The following PRR16 variants were observed in gnomAD, a reference collection of about 807,000 sequenced individuals.
PRR16 encodes proline rich 16.
PRR16 carries 6 observed loss-of-function variants against 18.2 expected under a neutral mutation model. The ratio of observed to expected loss-of-function variants is 0.33; its 90% CI spans 0.18 to 0.65. PRR16 has a LOEUF of 0.65. Ranked by LOEUF, PRR16 falls within the 30% of genes least tolerant of loss-of-function variation. PRR16 has a pLI of 0.74. For synonymous variants in PRR16, 151 were observed against 147.8 expected, an observed-to-expected ratio of 1.02 and a Z score of -0.16; for missense variants, 412 against 376.6, an observed-to-expected ratio of 1.09 and a Z score of -0.78.
At chr5:120,702,404 AAGG>A in the PRR16 span, among the ~76,000 whole-genome samples, 1 of 151,768 alleles carries the variant, frequency 6.6e-6, no homozygotes, top group African/African-American at 2.4e-5. Context: ...GCTAAGAGTG[AAGG>A]AGAAGGGGTT....
chr5:120,751,646 T>G, the PRR16 span, among the ~76,000 whole-genome samples: 1 of 152,094 alleles, frequency 6.6e-6, no homozygotes, highest in Admixed American at 6.6e-5. Context: ...ATAAGTAAAA[T>G]ATTTTTATTT....
At chr5:120,685,024 G>C (rs1757078235) in intron 1 of PRR16, among the ~76,000 whole-genome samples, 1 of 152,040 alleles carries the variant, frequency 6.6e-6, no homozygotes, top group Admixed American at 6.6e-5. Flanking sequence ...TAGGGTCCTG[G>C]GCCCAGATAA....
chr5:120,625,549 A>T (rs1754834663), intron 1 of PRR16, among the ~76,000 whole-genome samples: 3 of 151,972 alleles, frequency 2.0e-5, no homozygotes, highest in Admixed American at 6.6e-5. Context: ...TATTGTCCAG[A>T]CTGGTCTCAA....
At chr5:120,670,575 T>A (rs1472915379) in intron 1 of PRR16, among the ~76,000 whole-genome samples, 1 of 152,194 alleles carries the variant, frequency 6.6e-6, no homozygotes. Flanking sequence ...GTATTCTGGA[T>A]GATTAAATCA....
At chr5:120,754,743 C>G in the PRR16 span, among the ~76,000 whole-genome samples, 2 of 147,194 alleles carry the variant, frequency 1.4e-5, no homozygotes, top group Admixed American at 1.4e-4. Flanking sequence ...TCTTCCTCAG[C>G]AGATGAATAT....
At chr5:120,711,383 T>A in the PRR16 span, among the ~76,000 whole-genome samples, 2 of 152,164 alleles carry the variant, frequency 1.3e-5, no homozygotes, top group South Asian at 4.1e-4. Context: ...CTCTTTCATT[T>A]TCTGGTGATT....
At chr5:120,658,278 A>G (rs1023340753) in intron 1 of PRR16, 3 of 150,808 alleles carry the variant, frequency 2.0e-5, no homozygotes, top group African/African-American at 2.4e-5. Context: ...CAGTATATCA[A>G]CTCCAGCCTC....
chr5:120,645,607 A>G lies in PRR16; in HGVS notation c.160-40347A>G, dbSNP rs902981305. On this transcript the variant is annotated intron_variant, in intron 1 of 1. Coordinates refer to ENST00000407149, the MANE Select transcript of PRR16 (RefSeq NM_001300783.2). ...ATAAGTATGATATTTGCTGCAAATT[A>G]CTAGTTTAAACAAAAAAAGAAAATG... 5.9e-5 allele frequency among the ~76,000 whole-genome samples: 9 copies of G among 152,106 alleles called. 1 individual carries two copies. The highest frequency in any genetic ancestry group is 1.3e-4 in the Non-Finnish European group (9 of 68,014).
the PRR16 span, among the ~76,000 whole-genome samples, chr5:120,727,374 T>C: frequency 6.6e-6 from 1 of 152,076 alleles, no homozygotes; most frequent in Non-Finnish European, 1.5e-5. Context: ...TTCTAATCTG[T>C]ATGGTCACCT....
the PRR16 span, among the ~76,000 whole-genome samples, chr5:120,699,642 G>A: frequency 1.3e-5 from 2 of 152,246 alleles, no homozygotes; most frequent in Middle Eastern, 3.4e-3. Flanking sequence ...TGACTTTGAG[G>A]GCCTCTATAA....
rs143841753 is a variant in PRR16, at chr5:120,638,601, G to T, written c.160-47353G>T. Reference sequence around the variant, plus strand: ...TAGCTCTTTCTCAAAGACATGTTGGGATTTACAACCAGGCCATCTGCAGCC... The same window carrying T: ...TAGCTCTTTCTCAAAGACATGTTGGTATTTACAACCAGGCCATCTGCAGCC... On this transcript the variant is annotated intron_variant, in intron 1 of 1. Coordinates refer to ENST00000407149, the MANE Select transcript of PRR16 (RefSeq NM_001300783.2). Among the ~76,000 whole-genome samples the T allele has an allele frequency of 2.6e-3, 399 of 152,184 alleles. 2 individuals are homozygous for T. The highest frequency in any genetic ancestry group is 2.9e-3 in the Non-Finnish European group (195 of 67,986).
At chr5:120,587,137 A>G (rs1753473836) in intron 1 of PRR16, among the ~76,000 whole-genome samples, 1 of 152,220 alleles carries the variant, frequency 6.6e-6, no homozygotes, top group Admixed American at 6.5e-5. Flanking sequence ...GAGAAACTTC[A>G]TAAAGGCTAA....
chr5:120,658,818 C>T (rs1176691380), intron 1 of PRR16, among the ~76,000 whole-genome samples: 1 of 151,768 alleles, frequency 6.6e-6, no homozygotes, highest in Non-Finnish European at 1.5e-5. Flanking sequence ...AGGTGAAATC[C>T]AGAAATATAG....
At chr5:120,654,541 T>C (rs576031737) in intron 1 of PRR16, among the ~76,000 whole-genome samples, 1 of 151,648 alleles carries the variant, frequency 6.6e-6, no homozygotes, top group East Asian at 1.9e-4. Context: ...CAGAGATACA[T>C]TGAAAAGCTA....
At chr5:120,666,882 T>A (rs1756398049) in intron 1 of PRR16, among the ~76,000 whole-genome samples, 1 of 147,522 alleles carries the variant, frequency 6.8e-6, no homozygotes, top group African/African-American at 2.5e-5. Context: ...TGAGGATTTT[T>A]GCATCAATGT....
intron 1 of PRR16, among the ~76,000 whole-genome samples, chr5:120,531,978 A>G (rs1055360376): frequency 3.3e-5 from 5 of 152,224 alleles, no homozygotes; most frequent in Admixed American, 2.0e-4. Context: ...AGAGCTAATT[A>G]TAAAGAAGCT....
chr5:120,696,853 C>G, the PRR16 span, among the ~76,000 whole-genome samples: 7 of 152,222 alleles, frequency 4.6e-5, no homozygotes, highest in South Asian at 1.5e-3. Context: ...AGCCATTCCA[C>G]AATGTATACA....
At chr5:120,496,771 G>A (rs1427723106) in intron 1 of PRR16, among the ~76,000 whole-genome samples, 1 of 151,236 alleles carries the variant, frequency 6.6e-6, no homozygotes, top group African/African-American at 2.4e-5. Flanking sequence ...TCTCTTCCTA[G>A]GCTCTTGAAG....
Position 120,565,994 on chromosome 5 carries a change from T to G in PRR16, c.159+101349T>G, listed in dbSNP as rs554276359. Among the ~76,000 whole-genome samples the G allele has an allele frequency of 3.3e-5, 5 of 152,340 alleles. No homozygotes were observed. In the East Asian group the frequency reaches 9.6e-4, roughly 29 times the overall value. On this transcript the variant is annotated intron_variant, in intron 1 of 1. Coordinates refer to ENST00000407149, the MANE Select transcript of PRR16 (RefSeq NM_001300783.2). ...GTTAAATATATAACTATGGCATGGT[T>G]GATGCTATGGTTTGAATGTTCTTTC...
Sources: allele counts gnomAD v4.1 joint callset (sites outside exome capture counted in the v4.1 genomes callset), GRCh38; gene constraint gnomAD v4.1.1; transcripts MANE v1.5; gene names NCBI Gene and HGNC (gene_info 2026-07-23, HGNC 2026-07-21).